Variants in SNX29 observed in about 807,000 individuals in gnomAD.
SNX29 encodes the protein sorting nexin 29.
In SNX29, 78 loss-of-function variants were observed where a neutral mutation model predicts 102.1. That is an observed-to-expected ratio of 0.76 (90% confidence interval 0.64 to 0.92). The LOEUF (loss-of-function observed/expected upper bound fraction) is 0.92. Ranked by LOEUF, SNX29 falls within the 40% of genes least tolerant of loss-of-function variation. The pLI, the probability that SNX29 is intolerant of heterozygous loss-of-function variation, is 0.00. For synonymous variants in SNX29, 580 were observed against 414.5 expected (o/e 1.40, Z -4.85); for missense variants, 1,280 against 1,061.7 (o/e 1.21, Z -2.86).
chr16:11,999,336 G>A lies in SNX29; in HGVS notation c.47G>A (p.Arg16Gln), dbSNP rs2056203100. The A allele has an allele frequency of 5.6e-6, 9 of 1,613,990 alleles. No individual in the cohort carries two copies. Among genetic ancestry groups the A allele is most frequent in the South Asian group, 3.3e-5 (3 of 91,064 alleles). Residue 16 changes from arginine (R) to glutamine (Q), a missense_variant, in exon 2 of 21, where the codon CGA (arginine) becomes CAA (glutamine). Transcript: ENST00000566228. ...GACAAAAGACAATTTCTGCTGGAGC[G>A]ACTGCTGGATGCAGTGAAACAGGTA... ...NNDKRQFLLERLLDAVKQCQI... is the reference protein window; with the variant it reads ...NNDKRQFLLEQLLDAVKQCQI...
intron 14 of SNX29, among the ~76,000 whole-genome samples, chr16:12,223,003 A>G (rs1331376814): frequency 6.6e-6 from 1 of 152,242 alleles, no homozygotes; most frequent in Non-Finnish European, 1.5e-5. Context: ...GGAGTGGGCA[A>G]CTGAGTTTAG....
At chr16:12,047,995 G>C (rs1005771105) in intron 6 of SNX29, among the ~76,000 whole-genome samples, 5 of 152,166 alleles carry the variant, frequency 3.3e-5, no homozygotes, top group African/African-American at 1.2e-4. Context: ...GCAGTGCCGG[G>C]ATTCACTCCC....
At chr16:12,440,895 G>A (rs1351869482) in intron 18 of SNX29, among the ~76,000 whole-genome samples, 1 of 152,152 alleles carries the variant, frequency 6.6e-6, no homozygotes, top group African/African-American at 2.4e-5. Flanking sequence ...GTACTGCAGT[G>A]AATATGTGCT....
chr16:12,023,039 G>T (rs578045828), intron 3 of SNX29, among the ~76,000 whole-genome samples: 7 of 151,814 alleles, frequency 4.6e-5, no homozygotes, highest in Non-Finnish European at 8.8e-5. Context: ...TGGAATTACA[G>T]GTGCCTGCTG....
In SNX29 at chr16:12,571,877, G is replaced by A; in HGVS notation, c.*3248G>A. The stretch of plus-strand genomic sequence containing the variant: ...TTGCTGGCAAGGCATTTTAGAGTTT[G>A]GAGCTGAGGTTCAAAGCCCCCTGCA... On this transcript the variant is annotated 3_prime_UTR_variant, in exon 21 of 21. Coordinates refer to ENST00000566228, the MANE Select transcript of SNX29 (RefSeq NM_032167.5). 9.4e-7 allele frequency: 1 copy of A among 1,061,696 alleles called. No homozygotes were observed. The highest frequency in any genetic ancestry group is 1.1e-6 in the Non-Finnish European group (1 of 876,966). 65.8% of individuals were successfully genotyped at this position (1,061,696 alleles called of 1,614,324 possible).
rs1032628321 is a variant in SNX29, at chr16:12,116,806, G to A, written c.1403-9827G>A. Among the ~76,000 whole-genome samples, 17 of 152,344 alleles carry A rather than the reference G, an allele frequency of 1.1e-4. 1 individual carries two copies. Among genetic ancestry groups the A allele is most frequent in the African/African-American group, 3.6e-4 (15 of 41,584 alleles). ...AGTCAATACCTGCTTCAACGCGGAC[G>A]AACCGTGGAAACAGGCTTAGTCAAT... On this transcript the variant is annotated intron_variant, in intron 11 of 20. Coordinates refer to ENST00000566228, the MANE Select transcript of SNX29 (RefSeq NM_032167.5).
intron 16 of SNX29, among the ~76,000 whole-genome samples, chr16:12,385,602 G>C (rs1371979005): frequency 6.6e-6 from 1 of 152,218 alleles, no homozygotes; most frequent in Non-Finnish European, 1.5e-5. Flanking sequence ...AGTGGCTTGA[G>C]GGGGCTGTAG....
At chr16:12,472,536 A>C (rs1019544685) in intron 18 of SNX29, among the ~76,000 whole-genome samples, 9 of 149,888 alleles carry the variant, frequency 6.0e-5, no homozygotes, top group South Asian at 2.1e-4. Context: ...AACCAAAAAA[A>C]AAAAAAACAA....
At chr16:11,994,739 A>G (rs2055992959) in intron 1 of SNX29, among the ~76,000 whole-genome samples, 2 of 152,190 alleles carry the variant, frequency 1.3e-5, no homozygotes, top group Non-Finnish European at 1.5e-5. Flanking sequence ...TGAAGCTGGC[A>G]GATTCTTCTG....
chr16:12,370,924 G>C (rs2082659026), intron 16 of SNX29, among the ~76,000 whole-genome samples: 2 of 152,172 alleles, frequency 1.3e-5, no homozygotes, highest in African/African-American at 2.4e-5. Context: ...GGCTCCCTTT[G>C]ACCTGTTCTT....
At chr16:12,389,341 G>A (rs1199053567) in intron 16 of SNX29, among the ~76,000 whole-genome samples, 3 of 152,188 alleles carry the variant, frequency 2.0e-5, no homozygotes, top group Non-Finnish European at 4.4e-5. Context: ...AAGGGACCTG[G>A]TGGGAAATAA....
At position 12,570,516 on chromosome 16, in the gene SNX29, C is replaced by T. The variant is rs923848267; in HGVS notation, c.*1887C>T. ...GACCCCTTAGGTTGGGTTTATGCCA[C>T]ATCGGTCATTTTGAAGTAGGTGTTT... On this transcript the variant is annotated 3_prime_UTR_variant, in exon 21 of 21. Coordinates refer to ENST00000566228, the MANE Select transcript of SNX29 (RefSeq NM_032167.5). 3.0e-5 allele frequency: 7 copies of T among 232,632 alleles called. No homozygotes were observed. Among genetic ancestry groups the T allele is most frequent in the Non-Finnish European group, 5.1e-5 (6 of 117,768 alleles). 14.4% of individuals were successfully genotyped at this position (232,632 alleles called of 1,614,324 possible).
intron 15 of SNX29, among the ~76,000 whole-genome samples, chr16:12,302,741 T>G (rs2080218521): frequency 6.6e-6 from 1 of 152,220 alleles, no homozygotes; most frequent in Non-Finnish European, 1.5e-5. Flanking sequence ...TTCTTTCACT[T>G]TGGAAACTTC....
At chr16:12,512,609 C>G (rs1011813636) in intron 19 of SNX29, among the ~76,000 whole-genome samples, 1 of 151,148 alleles carries the variant, frequency 6.6e-6, no homozygotes, top group South Asian at 2.1e-4. Flanking sequence ...ATGAGCAGTA[C>G]TCGAGGGAGA....
chr16:12,424,428 A>G (rs2084978379), intron 18 of SNX29, among the ~76,000 whole-genome samples: 1 of 152,204 alleles, frequency 6.6e-6, no homozygotes, highest in Non-Finnish European at 1.5e-5. Context: ...TGAATGTGCT[A>G]ATATCATGGA....
chr16:12,536,979 TA>T (rs1342932705), intron 20 of SNX29, among the ~76,000 whole-genome samples: 1 of 148,084 alleles, frequency 6.8e-6, no homozygotes, highest in Non-Finnish European at 1.5e-5. Context: ...GAACCCGTCT[TA>T]AAAAAATAAA....
intron 14 of SNX29, among the ~76,000 whole-genome samples, chr16:12,221,946 G>C (rs181737734): frequency 1.6e-4 from 24 of 152,322 alleles, no homozygotes; most frequent in African/African-American, 5.8e-4. Context: ...CTCATCAGCA[G>C]TGACGAGCAA....
chr16:12,128,995 C>T (rs1370974165), intron 12 of SNX29, among the ~76,000 whole-genome samples: 1 of 152,142 alleles, frequency 6.6e-6, no homozygotes, highest in Non-Finnish European at 1.5e-5. Context: ...TGGCTGCCAG[C>T]CCCCTGTTGG....
At chr16:12,299,013 A>G (rs570618660) in intron 15 of SNX29, among the ~76,000 whole-genome samples, 2 of 151,748 alleles carry the variant, frequency 1.3e-5, no homozygotes, top group Non-Finnish European at 2.9e-5. Context: ...AAAAAAAAAA[A>G]ATAGGGCTGG....
Sources: gnomAD v4.1 joint callset for allele counts (sites outside exome capture counted in the v4.1 genomes callset) on GRCh38, gnomAD v4.1.1 for gene constraint, MANE v1.5 for transcripts, NCBI Gene and HGNC (gene_info 2026-07-23, HGNC 2026-07-21) for gene names.